The following DPP10 variants were observed in gnomAD, a reference collection of about 807,000 sequenced individuals.
The protein encoded by DPP10 is dipeptidyl peptidase like 10, also known as inactive dipeptidyl peptidase 10.
A neutral mutation model predicts 120.9 loss-of-function variants in DPP10; 33 were observed. The ratio of observed to expected loss-of-function variants is 0.27; its 90% CI spans 0.21 to 0.37. DPP10 has a LOEUF of 0.37. DPP10 is among the 10% of genes least tolerant of loss of function. The pLI, the probability that DPP10 is intolerant of heterozygous loss-of-function variation, is 1.00. For synonymous variants in DPP10, 337 were observed against 326.1 expected (o/e 1.03, Z -0.36); for missense variants, 816 against 942.8 (o/e 0.87, Z 1.76).
At chr2:115,818,752 G>A (rs542160483) in intron 21 of DPP10, among the ~76,000 whole-genome samples, 27 of 152,214 alleles carry the variant, frequency 1.8e-4, no homozygotes, top group Admixed American at 7.2e-4. Flanking sequence ...TATAAACCAT[G>A]GAAAAATAAC....
chr2:115,537,346 C>G (rs1477756077), intron 5 of DPP10, among the ~76,000 whole-genome samples: 1 of 151,954 alleles, frequency 6.6e-6, no homozygotes, highest in Non-Finnish European at 1.5e-5. Flanking sequence ...AAAGAATCCC[C>G]TTGCACATGG....
At chr2:115,274,246 T>C (rs2059818461) in intron 1 of DPP10, among the ~76,000 whole-genome samples, 1 of 152,208 alleles carries the variant, frequency 6.6e-6, no homozygotes, top group Non-Finnish European at 1.5e-5. Flanking sequence ...GTTTTATCTA[T>C]CCATTTTATC....
At chr2:115,227,410 T>C (rs2057487943) in intron 1 of DPP10, among the ~76,000 whole-genome samples, 2 of 152,184 alleles carry the variant, frequency 1.3e-5, no homozygotes, top group Admixed American at 1.3e-4. Flanking sequence ...TTTACTCTCT[T>C]TTTCTTTTTT....
chr2:115,797,976 T>A (rs1039962453), intron 19 of DPP10, among the ~76,000 whole-genome samples: 1 of 151,628 alleles, frequency 6.6e-6, no homozygotes, highest in Non-Finnish European at 1.5e-5. Flanking sequence ...TATACACACG[T>A]ATATGCACAC....
At chr2:114,458,725 A>T (rs191373627) in intron 1 of DPP10, among the ~76,000 whole-genome samples, 12 of 152,314 alleles carry the variant, frequency 7.9e-5, no homozygotes, top group Non-Finnish European at 7.4e-5. Context: ...GACATGATAC[A>T]TGCAAAGTAT....
intron 1 of DPP10, among the ~76,000 whole-genome samples, chr2:114,641,035 A>G (rs1248999317): frequency 1.3e-5 from 2 of 151,958 alleles, no homozygotes; most frequent in Admixed American, 1.3e-4. Flanking sequence ...AATAAAAGTC[A>G]TGAAACATAT....
At chr2:115,652,832 CTCAT>C (rs769230358) in intron 5 of DPP10, among the ~76,000 whole-genome samples, 1 of 151,878 alleles carries the variant, frequency 6.6e-6, no homozygotes, top group Non-Finnish European at 1.5e-5. Context: ...AAATGCTAGT[CTCAT>C]TCAGATACAC....
intron 1 of DPP10, among the ~76,000 whole-genome samples, chr2:114,805,212 T>C (rs1684620604): frequency 6.6e-6 from 1 of 152,226 alleles, no homozygotes; most frequent in South Asian, 2.1e-4. Context: ...AACCTCATTT[T>C]CTTCCCAGTC....
At chr2:114,998,632 T>G (rs186127237) in intron 1 of DPP10, among the ~76,000 whole-genome samples, 1 of 152,270 alleles carries the variant, frequency 6.6e-6, no homozygotes, top group Non-Finnish European at 1.5e-5. Flanking sequence ...AATAAACAGC[T>G]TACTCTAACT....
intron 2 of DPP10, among the ~76,000 whole-genome samples, chr2:115,328,677 C>A (rs964787621): frequency 1.3e-5 from 2 of 152,008 alleles, no homozygotes; most frequent in African/African-American, 4.8e-5. Flanking sequence ...TACAAAGAAT[C>A]AAACATGCCA....
At chr2:115,440,289 T>C (rs903943790) in intron 3 of DPP10, among the ~76,000 whole-genome samples, 35 of 152,318 alleles carry the variant, frequency 2.3e-4, no homozygotes, top group African/African-American at 8.2e-4. Flanking sequence ...ATTATTATAC[T>C]GGCATTATTT....
At chr2:114,550,834 G>A (rs759198471) in intron 1 of DPP10, among the ~76,000 whole-genome samples, 1 of 152,154 alleles carries the variant, frequency 6.6e-6, no homozygotes, top group Non-Finnish European at 1.5e-5. Context: ...ACTTGCAACT[G>A]AATCATGGGG....
intron 3 of DPP10, among the ~76,000 whole-genome samples, chr2:115,444,201 T>C (rs752530345): frequency 2.6e-5 from 4 of 152,198 alleles, no homozygotes; most frequent in Non-Finnish European, 5.9e-5. Flanking sequence ...GTCATTTTAG[T>C]CTTTCATTTT....
intron 1 of DPP10, among the ~76,000 whole-genome samples, chr2:115,306,373 T>C (rs886792793): frequency 3.3e-5 from 5 of 152,032 alleles, no homozygotes; most frequent in Admixed American, 1.3e-4. Context: ...GGTTGAAGCA[T>C]CTGAGGCAAA....
chr2:115,075,628 T>A (rs969352475), intron 1 of DPP10, among the ~76,000 whole-genome samples: 1 of 152,152 alleles, frequency 6.6e-6, no homozygotes, highest in Non-Finnish European at 1.5e-5. Flanking sequence ...GAATCTCTGA[T>A]AGCAGTTTTC....
chr2:114,746,368 G>T (rs1898131), intron 1 of DPP10, among the ~76,000 whole-genome samples: 1 of 152,090 alleles, frequency 6.6e-6, no homozygotes, highest in African/African-American at 2.4e-5. Context: ...TAATTCACTC[G>T]TTCATTTGCT....
At chr2:114,764,633 T>A (rs990733954) in intron 1 of DPP10, among the ~76,000 whole-genome samples, 1 of 151,856 alleles carries the variant, frequency 6.6e-6, no homozygotes, top group Admixed American at 6.6e-5. Flanking sequence ...TTGAAAAAAA[T>A]TATATGTATA....
At chr2:115,155,357 G>A (rs1212365765) in intron 1 of DPP10, among the ~76,000 whole-genome samples, 2 of 152,128 alleles carry the variant, frequency 1.3e-5, no homozygotes, top group Non-Finnish European at 2.9e-5. Flanking sequence ...AGTTATATTC[G>A]GGAAGATGAA....
intron 3 of DPP10, among the ~76,000 whole-genome samples, chr2:115,380,905 T>C (rs969126515): frequency 1.3e-5 from 2 of 152,206 alleles, no homozygotes; most frequent in African/African-American, 4.8e-5. Flanking sequence ...GCTTGTAGAG[T>C]TTCTGCCTAG....
Sources: allele counts gnomAD v4.1 joint callset (sites outside exome capture counted in the v4.1 genomes callset), GRCh38; gene constraint gnomAD v4.1.1; transcripts MANE v1.5; gene names NCBI Gene and HGNC (gene_info 2026-07-23, HGNC 2026-07-21).